KCNIP1: variants seen among roughly 807,000 people sequenced by gnomAD.
KCNIP1 encodes the protein A-type potassium channel modulatory protein KCNIP1.
In KCNIP1, 18 loss-of-function variants were observed where a neutral mutation model predicts 33.0. The ratio of observed to expected loss-of-function variants is 0.55; its 90% CI spans 0.38 to 0.81. The LOEUF is 0.81. Ranked by LOEUF, KCNIP1 falls within the 30% of genes least tolerant of loss-of-function variation. The pLI, the probability that KCNIP1 is intolerant of heterozygous loss-of-function variation, is 0.00. For missense variants in KCNIP1, 238 were observed against 271.6 expected (o/e 0.88, Z 0.87); for synonymous variants, 93 against 98.3 (o/e 0.95, Z 0.32).
At chr5:170,712,795 A>C (rs1284187526) in intron 1 of KCNIP1, 2 of 1,551,280 alleles carry the variant, frequency 1.3e-6, no homozygotes, top group East Asian at 2.2e-5. Context: ...TTGACAATAA[A>C]AGTGTGTTTT....
At chr5:170,532,245 C>G (rs1341225839) in intron 1 of KCNIP1, among the ~76,000 whole-genome samples, 1 of 152,236 alleles carries the variant, frequency 6.6e-6, no homozygotes, top group South Asian at 2.1e-4. Context: ...CTATAACTGA[C>G]TTTAATTTCA....
chr5:170,385,478 C>T lies in KCNIP1; in HGVS notation c.88+31514C>T, dbSNP rs745779920. ...CTGGGGGCAGTGATCATTTCTAGGTCCACAGAAGCAAACAGAAGTGAGATC... is the reference window on the plus strand; with the variant it reads ...CTGGGGGCAGTGATCATTTCTAGGTTCACAGAAGCAAACAGAAGTGAGATC... On this transcript the variant is annotated intron_variant, in intron 1 of 7. Coordinates refer to the KCNIP1 transcript ENST00000377360. The T allele has an allele frequency of 1.4e-5, 23 of 1,613,632 alleles. No individual in the cohort carries two copies. The African/African-American group carries it at 2.8e-4, about 20-fold the overall frequency.
At chr5:170,354,075 G>A in intron 1 of KCNIP1, 1 of 1,045,888 alleles carries the variant, frequency 9.6e-7, no homozygotes, top group Non-Finnish European at 1.4e-6. Context: ...CTTGGAAAAA[G>A]CTGGGGAAAT....
intron 1 of KCNIP1, among the ~76,000 whole-genome samples, chr5:170,701,306 C>G (rs1437153183): frequency 6.6e-6 from 1 of 152,168 alleles, no homozygotes; most frequent in East Asian, 1.9e-4. Flanking sequence ...TCTGATCCAA[C>G]TTAAGCTTTA....
At chr5:170,734,710 A>G (rs888207953) in intron 7 of KCNIP1, among the ~76,000 whole-genome samples, 2 of 152,260 alleles carry the variant, frequency 1.3e-5, no homozygotes, top group Non-Finnish European at 2.9e-5. Flanking sequence ...AATGTAAGAA[A>G]GCCGGGGAGA....
Position 170,709,276 on chromosome 5 carries a change from T to C in KCNIP1, c.62-9482T>C, listed in dbSNP as rs1185245957. Reference sequence around the variant, plus strand: ...ACTCCAATTATGACTGTGAATTTATTATTTTTCCTTTTAATTCTATCAGTC... The same window carrying C: ...ACTCCAATTATGACTGTGAATTTATCATTTTTCCTTTTAATTCTATCAGTC... On this transcript the variant is annotated intron_variant, in intron 1 of 7. Coordinates refer to ENST00000328939, the MANE Select transcript of KCNIP1 (RefSeq NM_014592.4). Among the ~76,000 whole-genome samples the C allele has an allele frequency of 2.6e-5, 4 of 152,232 alleles. No individual in the cohort carries two copies. The East Asian group carries it at 7.7e-4, about 29-fold the overall frequency.
intron 1 of KCNIP1, among the ~76,000 whole-genome samples, chr5:170,694,456 A>G (rs926856609): frequency 6.6e-6 from 1 of 152,144 alleles, no homozygotes; most frequent in African/African-American, 2.4e-5. Flanking sequence ...CTGTCATCAC[A>G]GAGACTGAAA....
rs116652815 is a variant in KCNIP1 at position 170,689,780 on chromosome 5, C to T, written c.62-28978C>T. On this transcript the variant is annotated intron_variant, in intron 1 of 7. Coordinates refer to ENST00000328939, the MANE Select transcript of KCNIP1 (RefSeq NM_014592.4). ...GGCCCTGGGAGCTGAGATATGCCCT[C>T]GGGAAGGCTGGAGATGATGTCAAAG... 9.5e-3 allele frequency among the ~76,000 whole-genome samples: 1,448 copies of T among 152,228 alleles called. 22 individuals are homozygous for T. Among genetic ancestry groups the T allele is most frequent in the African/African-American group, 0.033 (1,352 of 41,528 alleles).
intron 1 of KCNIP1, among the ~76,000 whole-genome samples, chr5:170,575,276 A>G (rs1318992497): frequency 1.3e-5 from 2 of 152,240 alleles, no homozygotes; most frequent in Non-Finnish European, 1.5e-5. Context: ...CCTAAGTTTT[A>G]TGTCTGTACA....
chr5:170,577,660 G>A (rs534663784), intron 1 of KCNIP1, among the ~76,000 whole-genome samples: 22 of 152,272 alleles, frequency 1.4e-4, no homozygotes, highest in Admixed American at 2.6e-4. Context: ...ATGAATTTTC[G>A]GAGACAGCGT....
chr5:170,474,957 T>G (rs527959597), intron 1 of KCNIP1, among the ~76,000 whole-genome samples: 25 of 152,348 alleles, frequency 1.6e-4, no homozygotes, highest in Non-Finnish European at 2.6e-4. Context: ...TTTCCTTATT[T>G]GTCCCTGCCC....
At chr5:170,391,570 C>T (rs951069025) in intron 1 of KCNIP1, among the ~76,000 whole-genome samples, 11 of 152,286 alleles carry the variant, frequency 7.2e-5, no homozygotes, top group Admixed American at 2.6e-4. Context: ...TAAATATTGA[C>T]GGTTTGCATT....
intron 1 of KCNIP1, among the ~76,000 whole-genome samples, chr5:170,579,889 A>G (rs1201930632): frequency 1.3e-5 from 2 of 152,130 alleles, no homozygotes; most frequent in East Asian, 3.9e-4. Context: ...GGGGGGTGGC[A>G]TTCCAAAAGC....
In KCNIP1 at chr5:170,605,770, C is replaced by CTTT. The variant is rs766469605; in HGVS notation, c.61+101157_61+101159dup. 2.3e-3 allele frequency among the ~76,000 whole-genome samples: 233 copies of CTTT among 102,272 alleles called. 1 individual carries two copies. Among genetic ancestry groups the CTTT allele is most frequent in the Middle Eastern group, 6.3e-3 (1 of 160 alleles). The allele number at this position is 102,272 out of a possible 152,430, so 67.1% of individuals were successfully genotyped here. On this transcript the variant is annotated intron_variant, in intron 1 of 7. Transcript: ENST00000328939. Reference sequence around the variant, plus strand: ...CATGGGTCAGTACTTCAACCCTGTTCTTTTTTTTTTTTTTTTTTTTTTGAG... The same window carrying CTTT: ...CATGGGTCAGTACTTCAACCCTGTTCTTTTTTTTTTTTTTTTTTTTTTTTTGAG...
intron 1 of KCNIP1, among the ~76,000 whole-genome samples, chr5:170,701,238 A>G (rs781698992): frequency 6.6e-6 from 1 of 152,220 alleles, no homozygotes; most frequent in African/African-American, 2.4e-5. Context: ...AAGACTTCCT[A>G]TAGAAGACAT....
intron 1 of KCNIP1, among the ~76,000 whole-genome samples, chr5:170,590,480 G>A (rs911717483): frequency 2.6e-5 from 4 of 152,052 alleles, no homozygotes; most frequent in Non-Finnish European, 4.4e-5. Flanking sequence ...CTATCCAACC[G>A]GTAGAGGATT....
intron 1 of KCNIP1, among the ~76,000 whole-genome samples, chr5:170,453,780 G>A (rs1756310661): frequency 6.6e-6 from 1 of 152,172 alleles, no homozygotes; most frequent in South Asian, 2.1e-4. Flanking sequence ...ACTTCCACGT[G>A]GCAAGGAGCT....
At chr5:170,585,398 T>G (rs1757949534) in intron 1 of KCNIP1, among the ~76,000 whole-genome samples, 1 of 152,066 alleles carries the variant, frequency 6.6e-6, no homozygotes, top group Non-Finnish European at 1.5e-5. Context: ...CCACAGAACT[T>G]ACCATGTTGC....
intron 1 of KCNIP1, among the ~76,000 whole-genome samples, chr5:170,482,469 A>T (rs889628576): frequency 1.1e-4 from 16 of 152,214 alleles, no homozygotes; most frequent in African/African-American, 3.9e-4. Context: ...CAACAGCCCC[A>T]TGAAATTTGC....
Sources: allele counts gnomAD v4.1 joint callset (sites outside exome capture counted in the v4.1 genomes callset), GRCh38; gene constraint gnomAD v4.1.1; transcripts MANE v1.5; gene names NCBI Gene and HGNC (gene_info 2026-07-23, HGNC 2026-07-21).